PIERCE2: variants seen among roughly 807,000 people sequenced by gnomAD.
The protein encoded by PIERCE2 is piercer of microtubule wall 2.
At chr15:55,412,673 C>T in the PIERCE2 span, among the ~76,000 whole-genome samples, 1 of 152,042 alleles carries the variant, frequency 6.6e-6, no homozygotes, top group South Asian at 2.1e-4. Context: ...AAGCCAAGGC[C>T]TGAGGATCAC....
the PIERCE2 span, chr15:55,418,506 C>A: frequency 6.6e-7 from 1 of 1,526,708 alleles, no homozygotes; most frequent in Non-Finnish European, 8.8e-7. Context: ...CAAAATAACA[C>A]TCTAAATACT....
the PIERCE2 span, among the ~76,000 whole-genome samples, chr15:55,414,264 G>A: frequency 6.9e-6 from 1 of 145,354 alleles, no homozygotes; most frequent in African/African-American, 2.6e-5. Flanking sequence ...TGGAGTCAGT[G>A]AGTGGCATAA....
At chr15:55,416,329 T>C in the PIERCE2 span, among the ~76,000 whole-genome samples, 1 of 152,098 alleles carries the variant, frequency 6.6e-6, no homozygotes, top group African/African-American at 2.4e-5. Flanking sequence ...CTCAATCTCT[T>C]GACCTCGTGA....
At chr15:55,408,651 G>C in the PIERCE2 span, 2 of 651,288 alleles carry the variant, frequency 3.1e-6, no homozygotes, top group Non-Finnish European at 5.4e-6. Context: ...TTCATCTTCT[G>C]TTTGCTGCTT....
chr15:55,412,626 T>C, the PIERCE2 span, among the ~76,000 whole-genome samples: 2 of 152,166 alleles, frequency 1.3e-5, no homozygotes, highest in Non-Finnish European at 2.9e-5. Context: ...GACTGAAAGC[T>C]GGACACTGTG....
At chr15:55,408,691 C>T in the PIERCE2 span, 1 of 923,996 alleles carries the variant, frequency 1.1e-6, no homozygotes, top group East Asian at 2.6e-5. Flanking sequence ...GGCCACGTCC[C>T]TAGGCGTTCA....
the PIERCE2 span, among the ~76,000 whole-genome samples, chr15:55,412,322 G>A: frequency 1.3e-5 from 2 of 151,862 alleles, no homozygotes; most frequent in Non-Finnish European, 1.5e-5. Flanking sequence ...GCCCTCTTTC[G>A]CTTATGATTC....
chr15:55,412,530 G>T, the PIERCE2 span, among the ~76,000 whole-genome samples: 1 of 152,130 alleles, frequency 6.6e-6, no homozygotes, highest in South Asian at 2.1e-4. Flanking sequence ...CTTTATATTT[G>T]ATTCATATTT....
chr15:55,415,771 G>T, the PIERCE2 span, among the ~76,000 whole-genome samples: 30 of 152,244 alleles, frequency 2.0e-4, no homozygotes, highest in Non-Finnish European at 3.8e-4. Flanking sequence ...TAACTACCAG[G>T]CCCAGGGTGT....
chr15:55,410,107 A>G, the PIERCE2 span, among the ~76,000 whole-genome samples: 1 of 149,520 alleles, frequency 6.7e-6, no homozygotes, highest in Non-Finnish European at 1.5e-5. Context: ...TGTAAAGTAT[A>G]AAGCAATGGA....
chr15:55,411,260 T>A, the PIERCE2 span: 1 of 151,844 alleles, frequency 6.6e-6, no homozygotes, highest in Admixed American at 6.6e-5. Context: ...GGTCAGGAGT[T>A]TGGGAACAGC....
At chr15:55,418,293 AC>A in the PIERCE2 span, 2 of 1,549,868 alleles carry the variant, frequency 1.3e-6, no homozygotes, top group Non-Finnish European at 1.7e-6. Context: ...CCTTGTGTGA[AC>A]CCTGGCAATC....
chr15:55,416,253 C>T, the PIERCE2 span, among the ~76,000 whole-genome samples: 1 of 152,012 alleles, frequency 6.6e-6, no homozygotes, highest in Non-Finnish European at 1.5e-5. Context: ...AGGCACATCC[C>T]ACCACAACCA....
At chr15:55,413,860 C>T in the PIERCE2 span, among the ~76,000 whole-genome samples, 2 of 150,202 alleles carry the variant, frequency 1.3e-5, no homozygotes, top group Non-Finnish European at 1.5e-5. Context: ...GCTCTAAGTA[C>T]ATTTAAAATA....
At chr15:55,414,230 G>C in the PIERCE2 span, among the ~76,000 whole-genome samples, 2 of 144,692 alleles carry the variant, frequency 1.4e-5, no homozygotes, top group African/African-American at 5.1e-5. Flanking sequence ...TTTTGAGACA[G>C]AGTTTCACTC....
At chr15:55,411,411 C>G in the PIERCE2 span, among the ~76,000 whole-genome samples, 23 of 152,272 alleles carry the variant, frequency 1.5e-4, 1 homozygote, top group African/African-American at 5.5e-4. Flanking sequence ...TTACAATGAG[C>G]TGCGACTGCG....
At chr15:55,418,307 G>A in the PIERCE2 span, 1 of 1,546,936 alleles carries the variant, frequency 6.5e-7, no homozygotes, top group Non-Finnish European at 8.7e-7. Context: ...TGGCAATCCT[G>A]TGTTTTCATG....
At chr15:55,410,447 C>G in the PIERCE2 span, 3 of 152,090 alleles carry the variant, frequency 2.0e-5, no homozygotes, top group African/African-American at 7.2e-5. Flanking sequence ...TTCAAGAGTT[C>G]GAGACCAGCC....
the PIERCE2 span, among the ~76,000 whole-genome samples, chr15:55,409,361 C>T: frequency 2.7e-4 from 41 of 151,860 alleles, no homozygotes; most frequent in African/African-American, 9.7e-4. Context: ...GCCGAGATTG[C>T]GCCACTGAAC....
Sources: allele counts gnomAD v4.1 joint callset (sites outside exome capture counted in the v4.1 genomes callset), GRCh38; gene constraint gnomAD v4.1.1; transcripts MANE v1.5; gene names NCBI Gene and HGNC (gene_info 2026-07-23, HGNC 2026-07-21).